Variants in MROH2A observed in about 807,000 individuals in gnomAD.
The protein encoded by MROH2A is maestro heat-like repeat-containing protein family member 2A.
Under a neutral mutation model 200.4 loss-of-function variants are expected in MROH2A, and 174 were observed. The observed-to-expected ratio is 0.87, with a 90% CI of 0.77 to 0.98. MROH2A has a LOEUF of 0.98. Among genes scored for constraint, MROH2A ranks in the 50% least tolerant of loss-of-function variants. The pLI is 0.00. For missense variants in MROH2A, 2,045 were observed against 2,139.6 expected (o/e 0.96, Z 0.87); for synonymous variants, 829 against 840.4 (o/e 0.99, Z 0.23).
At chr2:233,832,362 A>G (rs1704822453) in intron 40 of MROH2A, 83 bp downstream of exon 40, 7 of 1,245,158 alleles carry the variant, frequency 5.6e-6, no homozygotes, top group Non-Finnish European at 7.8e-6. Flanking sequence ...AGGGTGGATC[A>G]TGAGTGGGAG....
intron 27 of MROH2A, among the ~76,000 whole-genome samples, chr2:233,817,649 A>G (rs1207589859): frequency 1.3e-5 from 2 of 152,238 alleles, no homozygotes; most frequent in Non-Finnish European, 2.9e-5. Flanking sequence ...TGAGAGGCAG[A>G]GTACCCTGCC....
intron 39 of MROH2A, among the ~76,000 whole-genome samples, chr2:233,831,961 T>C (rs912164147): frequency 9.2e-5 from 14 of 152,206 alleles, no homozygotes; most frequent in Non-Finnish European, 2.9e-5. Context: ...GTGGCTACCA[T>C]GTTGGACAGC....
chr2:233,799,809 G>C lies in MROH2A; in HGVS notation c.1359G>C (p.Gly453=), dbSNP rs1277014868. The C allele has an allele frequency of 1.3e-6, 2 of 1,550,390 alleles. No homozygotes were observed. Among genetic ancestry groups the C allele is most frequent in the African/African-American group, 2.7e-5 (2 of 73,024 alleles). The change falls in exon 13 of 42, where the codon GGG becomes GGC. Residue 453 remains glycine, a synonymous_variant. Coordinates refer to ENST00000389758, the MANE Select transcript of MROH2A (RefSeq NM_001394639.1). ...GGATGGCTATTCTCCACATCATTGG[G>C]CAGTTGGCTCTCTGTGGCTACCAGG... ...KVRMAILHII[G]QLALCGYQER... is the part of the protein sequence containing the mutation.
rs1337572821 is a variant in MROH2A, at chr2:233,789,544, C to T, written c.324C>T (p.Ile108=). The part of the protein sequence containing the change: ...KVNIYNILQD[I]IQQEGELEEQ... Reference sequence around the variant, plus strand: ...ACATTTACAACATCCTCCAGGACATCATCCAGCAGGAGGGGGAGCTGGAGG... The same window carrying T: ...ACATTTACAACATCCTCCAGGACATTATCCAGCAGGAGGGGGAGCTGGAGG... The change falls in exon 4 of 42, where the codon ATC becomes ATT. Residue 108 remains isoleucine, a synonymous_variant. Coordinates refer to ENST00000389758, the MANE Select transcript of MROH2A (RefSeq NM_001394639.1). 6.7e-7 allele frequency: 1 copy of T among 1,487,918 alleles called. No individual in the cohort carries two copies. Among genetic ancestry groups the T allele is most frequent in the Admixed American group, 2.4e-5 (1 of 40,926 alleles). 92.2% of individuals were successfully genotyped at this position (1,487,918 alleles called of 1,614,324 possible).
chr2:233,833,119 T>C lies in MROH2A; in HGVS notation c.4904-19T>C. 1 of 1,530,174 alleles carries C rather than the reference T, an allele frequency of 6.5e-7. No homozygotes were observed. Among genetic ancestry groups the C allele is most frequent in the Non-Finnish European group, 8.8e-7 (1 of 1,139,168 alleles). 94.8% of individuals were successfully genotyped at this position (1,530,174 alleles called of 1,614,324 possible). ...GACTGGGCGGGGCCTGAACCTTCCCTCTTTGTGTTCTCTCTCAGCCCTCCA... is the reference window on the plus strand; with the variant it reads ...GACTGGGCGGGGCCTGAACCTTCCCCCTTTGTGTTCTCTCTCAGCCCTCCA... On this transcript the variant is annotated intron_variant, in intron 41 of 41. Coordinates refer to ENST00000389758, the MANE Select transcript of MROH2A (RefSeq NM_001394639.1).
At chr2:233,827,846 G>A (rs376997119) in intron 35 of MROH2A, among the ~76,000 whole-genome samples, 8 of 152,048 alleles carry the variant, frequency 5.3e-5, no homozygotes, top group African/African-American at 1.9e-4. Flanking sequence ...ATAGTGTGGG[G>A]GCTTTACTCT....
At chr2:233,776,917 C>G (rs1248720143), upstream of MROH2A, among the ~76,000 whole-genome samples, 3 of 152,160 alleles carry the variant, frequency 2.0e-5, no homozygotes, top group African/African-American at 7.2e-5. Context: ...CGCTCACTGT[C>G]TCAGAACCCT....
chr2:233,789,914 C>G lies in MROH2A; in HGVS notation c.471C>G (p.His157Gln), dbSNP rs781687395. 2.4e-5 allele frequency: 37 copies of G among 1,550,404 alleles called. No individual in the cohort carries two copies. The highest frequency in any genetic ancestry group is 3.1e-5 in the Non-Finnish European group (35 of 1,146,946). The change falls in exon 5 of 42, where the codon CAC becomes CAG. Residue 157 changes from histidine to glutamine, a missense_variant. This residue lies in a region of MROH2A where 831 missense variants were observed against 800.0 expected (regional missense o/e 1.04). Coordinates refer to ENST00000389758, the MANE Select transcript of MROH2A (RefSeq NM_001394639.1). ...CACTGGTGGCTCTGTCCCGAAACCACTTCAGCTTGGTCATGTACGAGCTGC... is the reference window on the plus strand; with the variant it reads ...CACTGGTGGCTCTGTCCCGAAACCAGTTCAGCTTGGTCATGTACGAGCTGC... The part of the protein sequence containing the change: ...SDTLVALSRN[H>Q]FSLVMYELQH...
intron 19 of MROH2A, among the ~76,000 whole-genome samples, chr2:233,806,248 C>T (rs1201511992): frequency 2.0e-5 from 3 of 151,982 alleles, no homozygotes; most frequent in Admixed American, 2.0e-4. Context: ...CATGGAATAG[C>T]CTTTATATGC....
chr2:233,816,673 C>G, intron 26 of MROH2A, 108 bp from the exon 27 acceptor site: 1 of 648,734 alleles, frequency 1.5e-6, no homozygotes, highest in Non-Finnish European at 2.8e-6. Context: ...CACAAGGAAG[C>G]ATTGAAAGTC....
chr2:233,805,064 G>C lies in MROH2A; in HGVS notation c.2005G>C (p.Glu669Gln). The C allele has an allele frequency of 6.5e-7, 1 of 1,550,252 alleles. No homozygotes were observed. The highest frequency in any genetic ancestry group is 8.7e-7 in the Non-Finnish European group (1 of 1,146,820). ...GSSWSLRLSK[E>Q]LNNQIASFDS... is the part of the protein sequence containing the mutation. The stretch of plus-strand genomic sequence containing the variant: ...TAGCTGGAGCCTGCGCTTGAGTAAA[G>C]AGCTGAACAACCAGATTGCGAGCTT... Residue 669 changes from glutamate to glutamine, a missense_variant, in exon 19 of 42, where the codon GAG becomes CAG. Physicochemically the swap from Glu to Gln is conservative, Grantham distance 29. This residue lies in a region of MROH2A where 1,201 missense variants were observed against 1,311.3 expected (regional missense o/e 0.92). Coordinates refer to ENST00000389758, the MANE Select transcript of MROH2A (RefSeq NM_001394639.1).
chr2:233,826,458 A>G (rs1298503313), intron 35 of MROH2A, among the ~76,000 whole-genome samples: 1 of 152,224 alleles, frequency 6.6e-6, no homozygotes, highest in Admixed American at 6.5e-5. Context: ...CCTGACAAAA[A>G]CAAGCAATGG....
chr2:233,813,478 G>A (rs1703310488), intron 24 of MROH2A, among the ~76,000 whole-genome samples, 192 bp from the exon 25 acceptor site: 1 of 152,222 alleles, frequency 6.6e-6, no homozygotes, highest in Non-Finnish European at 1.5e-5. Flanking sequence ...TCAATCACAA[G>A]CAAGAGTCAC....
rs893150674 is a variant in MROH2A at position 233,789,789 on chromosome 2, G to C, written c.409-63G>C. ...GGAGGGGTGGAGAGAGCCTGGGGTA[G>C]GAAGGTTTTCCTGGAGGCCCGGCTG... On this transcript the variant is annotated intron_variant, in intron 4 of 41. Transcript: ENST00000389758. 2.7e-5 allele frequency: 40 copies of C among 1,508,150 alleles called. No individual in the cohort carries two copies. The East Asian group carries it at 9.6e-4, about 36-fold the overall frequency. The allele number at this position is 1,508,150 out of a possible 1,614,324, so 93.4% of individuals were successfully genotyped here. A position where few individuals can be genotyped will look rare whatever the true frequency, so the allele number is the denominator to read the frequency against.
At chr2:233,809,389 T>TAAGA in intron 22 of MROH2A, 111 bp downstream of exon 22, 7 of 1,195,736 alleles carry the variant, frequency 5.9e-6, no homozygotes, top group Non-Finnish European at 7.1e-6. Context: ...TCCAGGCATC[T>TAAGA]TACCTGATGC....
At chr2:233,823,342 C>T (rs888443906) in intron 34 of MROH2A, among the ~76,000 whole-genome samples, 1 of 152,250 alleles carries the variant, frequency 6.6e-6, no homozygotes, top group Non-Finnish European at 1.5e-5. Flanking sequence ...ACTCTAGTCC[C>T]CTTTGTAAAA....
intron 31 of MROH2A, among the ~76,000 whole-genome samples, chr2:233,821,286 A>G (rs1703919900): frequency 6.6e-6 from 1 of 152,128 alleles, no homozygotes; most frequent in African/African-American, 2.4e-5. Context: ...TTGCCATTGT[A>G]GGACTGAGGT....
In MROH2A at chr2:233,792,778, T is replaced by C. The variant is rs759121998; in HGVS notation, c.572-18T>C. 1 of 1,478,128 alleles carries C rather than the reference T, an allele frequency of 6.8e-7. No homozygotes were observed. The highest frequency in any genetic ancestry group is 9.2e-7 in the Non-Finnish European group (1 of 1,081,728). 91.6% of individuals were successfully genotyped at this position (1,478,128 alleles called of 1,614,324 possible). A position where few individuals can be genotyped will look rare whatever the true frequency, so the allele number is the denominator to read the frequency against. ...CCCCAGCCCCAACTTCCTGTAATCATCCCTCACAACCTCACAGTGTTTGAG... is the reference window on the plus strand; with the variant it reads ...CCCCAGCCCCAACTTCCTGTAATCACCCCTCACAACCTCACAGTGTTTGAG... On this transcript the variant is annotated intron_variant, in intron 5 of 41. Coordinates refer to ENST00000389758, the MANE Select transcript of MROH2A (RefSeq NM_001394639.1).
intron 6 of MROH2A, among the ~76,000 whole-genome samples, 151 bp downstream of exon 6, chr2:233,793,045 G>A (rs1264083329): frequency 6.6e-6 from 1 of 152,164 alleles, no homozygotes; most frequent in Admixed American, 6.5e-5. Context: ...ACTTCGTGTG[G>A]CCTCTGATTG....
Sources: allele counts gnomAD v4.1 joint callset (sites outside exome capture counted in the v4.1 genomes callset), GRCh38; gene constraint gnomAD v4.1.1; regional missense constraint gnomAD v4.1.1; transcripts MANE v1.5; gene names NCBI Gene and HGNC (gene_info 2026-07-23, HGNC 2026-07-21).